The following GATM variants were observed in gnomAD, a reference collection of about 807,000 sequenced individuals.
GATM encodes the protein glycine amidinotransferase.
A neutral mutation model predicts 54.2 loss-of-function variants in GATM; 23 were observed. The ratio of observed to expected loss-of-function variants is 0.42; its 90% CI spans 0.31 to 0.60. GATM has a LOEUF of 0.60. Among genes scored for constraint, GATM ranks in the 20% least tolerant of loss-of-function variants. The pLI is 0.14. For missense variants in GATM, 401 were observed against 544.9 expected (o/e 0.74, Z 2.63); for synonymous variants, 168 against 183.1 (o/e 0.92, Z 0.67).
chr15:45,380,892 A>G (rs1301394331), upstream of GATM, among the ~76,000 whole-genome samples: 1 of 152,122 alleles, frequency 6.6e-6, no homozygotes, highest in East Asian at 1.9e-4. Context: ...ATTTACTTTC[A>G]TTCTTTGTCC....
intron 3 of GATM, among the ~76,000 whole-genome samples, chr15:45,387,535 A>C (rs775874457): frequency 7.2e-5 from 11 of 152,008 alleles, no homozygotes; most frequent in Non-Finnish European, 1.2e-4. Context: ...CCTTGTTAAT[A>C]CTTTTTTTAG....
At chr15:45,377,766 G>A (rs1889664034) in intron 1 of GATM, 2 of 156,148 alleles carry the variant, frequency 1.3e-5, no homozygotes, top group Admixed American at 1.3e-4. Context: ...TCTGCTGCCA[G>A]GGCAGCCGAG....
At chr15:45,397,496 C>A (rs994415890) in intron 2 of GATM, 1 of 152,238 alleles carries the variant, frequency 6.6e-6, no homozygotes, top group African/African-American at 2.4e-5. Context: ...GGCAAACACA[C>A]ATCCATGTGC....
upstream of GATM, among the ~76,000 whole-genome samples, chr15:45,382,502 A>T (rs944273415): frequency 2.0e-5 from 3 of 152,068 alleles, no homozygotes; most frequent in Admixed American, 6.5e-5. Context: ...TCTCTACTAA[A>T]AATACAAAAA....
At chr15:45,370,220 T>G (rs1034782791) in intron 2 of GATM, among the ~76,000 whole-genome samples, 1 of 151,518 alleles carries the variant, frequency 6.6e-6, no homozygotes, top group Admixed American at 6.6e-5. Flanking sequence ...TACTAAAAAT[T>G]CAAAAATTAG....
rs1889448881 is a variant in GATM, at chr15:45,366,374, G to A, written c.810C>T (p.Ser270=). Residue 270 remains serine (S), a synonymous_variant, in exon 5 of 9, where the codon AGC becomes AGT. Transcript: ENST00000396659. ...TTCAGAGGCAGCCTGCGTTCACCTG[G>A]CTTCTCTGTGCAAAAATATCTCTTC... The part of the protein sequence containing the change: ...RAGRDIFAQR[S]QVTNYLGIEW... The A allele has an allele frequency of 6.2e-7, 1 of 1,613,980 alleles. No homozygotes were observed. The highest frequency in any genetic ancestry group is 1.1e-5 in the South Asian group (1 of 91,084).
chr15:45,394,356 G>A (rs899448480), intron 3 of GATM, among the ~76,000 whole-genome samples: 2 of 152,154 alleles, frequency 1.3e-5, no homozygotes, highest in African/African-American at 4.8e-5. Context: ...CCCCATCTGT[G>A]CAAAAATTGT....
intron 3 of GATM, among the ~76,000 whole-genome samples, chr15:45,386,499 TG>T (rs1471195282): frequency 1.7e-4 from 26 of 152,218 alleles, no homozygotes; most frequent in African/African-American, 6.3e-4. Context: ...GATACTGCTC[TG>T]GGAGAAAACC....
At chr15:45,398,687 T>G (rs1889961769) in intron 2 of GATM, among the ~76,000 whole-genome samples, 1 of 152,202 alleles carries the variant, frequency 6.6e-6, no homozygotes, top group African/African-American at 2.4e-5. Flanking sequence ...AAATCATGCT[T>G]TTTCAAGGGT....
At chr15:45,378,181 G>C (rs2140660180) in intron 1 of GATM, 1 of 478,178 alleles carries the variant, frequency 2.1e-6, no homozygotes, top group East Asian at 3.6e-5. Context: ...CCCTGACTGG[G>C]GGACGCCGCC....
At chr15:45,393,522 T>C (rs1889893738) in intron 3 of GATM, among the ~76,000 whole-genome samples, 1 of 152,212 alleles carries the variant, frequency 6.6e-6, no homozygotes, top group Non-Finnish European at 1.5e-5. Context: ...TGTGTAGCTA[T>C]TACTGTTTAT....
intron 3 of GATM, among the ~76,000 whole-genome samples, chr15:45,390,040 C>T (rs1341259961): frequency 6.6e-6 from 1 of 151,960 alleles, no homozygotes; most frequent in East Asian, 1.9e-4. Context: ...TTAGTGGAGA[C>T]AGGGCTTTGC....
At position 45,368,240 on chromosome 15, in the gene GATM, G is replaced by C; in HGVS notation, c.505C>G (p.Arg169Gly). Residue 169 changes from arginine to glycine, a missense_variant, in exon 4 of 9, where the codon CGA becomes GGA. Transcript: ENST00000396659. This position sits in a 1 kb window ranked among gnomAD's most constrained non-coding sequence, Gnocchi z 5.1. ...ESTGLYSAMP[R>G]DILIVVGNEI... Reference sequence around the variant, plus strand: ...TTGCCCACAACTATCAGGATGTCTCGAGGCATTGCACTGTATAAACCTGTC... The same window carrying C: ...TTGCCCACAACTATCAGGATGTCTCCAGGCATTGCACTGTATAAACCTGTC... 6.2e-7 allele frequency: 1 copy of C among 1,613,912 alleles called. No homozygotes were observed. Among genetic ancestry groups the C allele is most frequent in the South Asian group, 1.1e-5 (1 of 91,036 alleles).
chr15:45,386,339 A>C (rs1889803360), intron 3 of GATM, among the ~76,000 whole-genome samples: 1 of 152,196 alleles, frequency 6.6e-6, no homozygotes, highest in Non-Finnish European at 1.5e-5. Flanking sequence ...CAATTTGTAT[A>C]CCTTTCTCTA....
intron 8 of GATM, chr15:45,363,532 G>A (rs1191810973): frequency 3.1e-6 from 1 of 323,252 alleles, no homozygotes; most frequent in Non-Finnish European, 5.7e-6. Flanking sequence ...TGAAATATGT[G>A]ATGACAGGAC....
At chr15:45,389,591 A>C (rs1408880060) in intron 3 of GATM, among the ~76,000 whole-genome samples, 1 of 152,180 alleles carries the variant, frequency 6.6e-6, no homozygotes, top group African/African-American at 2.4e-5. Flanking sequence ...CAGCAGGTGC[A>C]TGCCACCATG....
intron 1 of GATM, chr15:45,401,920 C>T (rs1890019633): frequency 6.4e-6 from 1 of 155,250 alleles, no homozygotes; most frequent in African/African-American, 2.4e-5. Context: ...AGGCTGTATT[C>T]TCAGTTACGC....
chr15:45,367,573 T>C (rs376347591), intron 4 of GATM, among the ~76,000 whole-genome samples: 2 of 152,204 alleles, frequency 1.3e-5, no homozygotes, highest in African/African-American at 4.8e-5. Flanking sequence ...CTATTTTGAT[T>C]TTTAAATTTT....
chr15:45,363,729 C>T (rs1445785793), intron 8 of GATM, 171 bp downstream of exon 8: 7 of 629,514 alleles, frequency 1.1e-5, no homozygotes, highest in Non-Finnish European at 1.7e-5. Flanking sequence ...GTTGGGGCTA[C>T]GTGTGTTGAA....
Sources: gnomAD v4.1 joint callset for allele counts (sites outside exome capture counted in the v4.1 genomes callset) on GRCh38, gnomAD v4.1.1 for gene constraint, Gnocchi (gnomAD v3.1) non-coding constraint, MANE v1.5 for transcripts, NCBI Gene and HGNC (gene_info 2026-07-23, HGNC 2026-07-21) for gene names.